Variants in ZBTB44 observed in about 807,000 individuals in gnomAD.
ZBTB44 encodes zinc finger and BTB domain-containing protein 44.
Under a neutral mutation model 54.0 loss-of-function variants are expected in ZBTB44, and 15 were observed. The observed-to-expected ratio is 0.28, with a 90% CI of 0.19 to 0.43. The LOEUF (loss-of-function observed/expected upper bound fraction) is 0.43, where lower values mean the gene tolerates loss of function less well. Among genes scored for constraint, ZBTB44 ranks in the 20% least tolerant of loss-of-function variants. The probability of loss-of-function intolerance (pLI) is 1.00; values close to 1 mark genes in which losing one functional copy is unlikely to be tolerated. For missense variants in ZBTB44, 487 were observed against 707.1 expected, an observed-to-expected ratio of 0.69 and a Z score of 3.53; for synonymous variants, 230 against 250.1, an observed-to-expected ratio of 0.92 and a Z score of 0.76.
chr11:130,294,538 CAAAAAAAAAAAAAAAAAAAAAA>C, intron 1 of ZBTB44, among the ~76,000 whole-genome samples: 1 of 48,654 alleles, frequency 2.1e-5, no homozygotes, highest in Admixed American at 2.8e-4. Flanking sequence ...TCTATATGAC[CAAAAAAAAAAAAAAAAAAAAAA>C]AAAAAAAAAT....
At chr11:130,235,539 C>A (rs974208969) in intron 5 of ZBTB44, among the ~76,000 whole-genome samples, 1 of 152,106 alleles carries the variant, frequency 6.6e-6, no homozygotes, top group African/African-American at 2.4e-5. Flanking sequence ...GTGGTGCCCA[C>A]ACTTGTAGCC....
rs373006294 is a variant in ZBTB44, at chr11:130,238,419, G to C, written c.1267+25C>G. 4.1e-4 allele frequency: 656 copies of C among 1,589,300 alleles called. No individual in the cohort carries two copies. Among genetic ancestry groups the C allele is most frequent in the Non-Finnish European group, 5.1e-4 (591 of 1,167,972 alleles). On this transcript the variant is annotated intron_variant, in intron 4 of 7. Coordinates refer to ENST00000357899, the MANE Select transcript of ZBTB44 (RefSeq NM_001301098.2). ...AAAATGTTTTAGAGCGTTCACTTACGCACCAACAGGGAAGGTGACATTACC... is the reference window on the plus strand; with the variant it reads ...AAAATGTTTTAGAGCGTTCACTTACCCACCAACAGGGAAGGTGACATTACC...
At chr11:130,280,322 G>T (rs1592019736) in intron 1 of ZBTB44, among the ~76,000 whole-genome samples, 1 of 152,274 alleles carries the variant, frequency 6.6e-6, no homozygotes, top group Non-Finnish European at 1.5e-5. Flanking sequence ...TCTTAGGTAC[G>T]TTAAAGGGGA....
chr11:130,281,723 T>C (rs1004353071), intron 1 of ZBTB44, among the ~76,000 whole-genome samples: 2 of 151,788 alleles, frequency 1.3e-5, no homozygotes, highest in Admixed American at 6.6e-5. Context: ...GCCACCCAAG[T>C]AGCTGGGACT....
At chr11:130,298,801 G>A (rs1258139431) in intron 1 of ZBTB44, among the ~76,000 whole-genome samples, 1 of 148,334 alleles carries the variant, frequency 6.7e-6, no homozygotes, top group Non-Finnish European at 1.5e-5. Flanking sequence ...TGCAATTATA[G>A]AACTGAACCA....
chr11:130,236,109 C>A, intron 5 of ZBTB44: 1 of 1,280,936 alleles, frequency 7.8e-7, no homozygotes, highest in Non-Finnish European at 1.0e-6. Flanking sequence ...TTAAAGCTTA[C>A]ATTTTATCTT....
intron 1 of ZBTB44, among the ~76,000 whole-genome samples, chr11:130,270,636 T>C (rs952524544): frequency 4.1e-5 from 6 of 144,672 alleles, no homozygotes; most frequent in South Asian, 2.1e-4. Context: ...GTGGCAGCAG[T>C]GAGGATAAAG....
At chr11:130,284,374 G>C (rs1285927626) in intron 1 of ZBTB44, among the ~76,000 whole-genome samples, 1 of 152,174 alleles carries the variant, frequency 6.6e-6, no homozygotes, top group Non-Finnish European at 1.5e-5. Flanking sequence ...CTTTGGTAAT[G>C]TATAATTACC....
At chr11:130,270,792 G>A (rs1423091974) in intron 1 of ZBTB44, among the ~76,000 whole-genome samples, 1 of 152,192 alleles carries the variant, frequency 6.6e-6, no homozygotes, top group Non-Finnish European at 1.5e-5. Flanking sequence ...AGCTGGTTTC[G>A]ATAGGGGTTG....
intron 1 of ZBTB44, among the ~76,000 whole-genome samples, chr11:130,294,538 C>CAAAAAAA (rs11322495): frequency 6.2e-5 from 3 of 48,654 alleles, no homozygotes; most frequent in Non-Finnish European, 7.8e-5. Flanking sequence ...TCTATATGAC[C>CAAAAAAA]AAAAAAAAAA....
chr11:130,308,448 C>T (rs1330177363), intron 1 of ZBTB44, among the ~76,000 whole-genome samples: 1 of 152,166 alleles, frequency 6.6e-6, no homozygotes, highest in Admixed American at 6.5e-5. Flanking sequence ...GGGTCGGCCA[C>T]TTATTGTGAT....
chr11:130,238,460 G>A lies in ZBTB44; in HGVS notation c.1251C>T (p.His417=). ...TGACATTACCTGAGTGGATGAGCAT[G>A]TGCTGCTTTAGGTTCTGAATACGGG... ...RFTRIQNLKQ[H]MLIHSGIKPF... is the part of the protein sequence containing the mutation. Residue 417 remains histidine, a synonymous_variant, in exon 4 of 8, where the codon CAC becomes CAT. Coordinates refer to ENST00000357899, the MANE Select transcript of ZBTB44 (RefSeq NM_001301098.2). 1 of 1,608,186 alleles carries A rather than the reference G, an allele frequency of 6.2e-7. No homozygotes were observed. Among genetic ancestry groups the A allele is most frequent in the Non-Finnish European group, 8.5e-7 (1 of 1,177,258 alleles).
intron 1 of ZBTB44, among the ~76,000 whole-genome samples, chr11:130,294,318 A>G (rs1197771113): frequency 6.6e-6 from 1 of 151,974 alleles, no homozygotes; most frequent in Non-Finnish European, 1.5e-5. Context: ...CGCCTGAGGC[A>G]CAAGAATTGC....
intron 5 of ZBTB44, chr11:130,236,061 A>T: frequency 8.7e-7 from 1 of 1,150,818 alleles, no homozygotes; most frequent in South Asian, 1.8e-5. Flanking sequence ...ATTTAAAACA[A>T]CAGTTTTATA....
At chr11:130,245,101 C>T (rs527806062) in intron 2 of ZBTB44, among the ~76,000 whole-genome samples, 6 of 152,290 alleles carry the variant, frequency 3.9e-5, no homozygotes, top group African/African-American at 9.6e-5. Flanking sequence ...TTTGAAAATA[C>T]GCAGGACTAT....
intron 1 of ZBTB44, among the ~76,000 whole-genome samples, chr11:130,288,544 C>T (rs576782994): frequency 7.9e-5 from 12 of 152,166 alleles, no homozygotes; most frequent in African/African-American, 2.9e-4. Flanking sequence ...AAAAGGTTCT[C>T]GGGATCCCCA....
At position 130,239,751 on chromosome 11, in the gene ZBTB44, T is replaced by C. The variant is rs779125624; in HGVS notation, c.1103+61A>G. 12 of 1,367,014 alleles carry C rather than the reference T, an allele frequency of 8.8e-6. No individual in the cohort carries two copies. In the African/African-American group the frequency reaches 1.3e-4, roughly 15 times the overall value. 84.7% of individuals were successfully genotyped at this position (1,367,014 alleles called of 1,614,324 possible). A position where few individuals can be genotyped will look rare whatever the true frequency, so the allele number is the denominator to read the frequency against. On this transcript the variant is annotated intron_variant, in intron 3 of 7. Coordinates refer to ENST00000357899, the MANE Select transcript of ZBTB44 (RefSeq NM_001301098.2). ...TTCTACAACTCTTGAGATGAAATGC[T>C]TGAATTTGGAGTTGTAAACACAACC...
At position 130,230,475 on chromosome 11, in the gene ZBTB44, A is replaced by G. The variant is rs907365446; in HGVS notation, c.*1289T>C. 57 of 123,988 alleles carry G rather than the reference A, an allele frequency of 4.6e-4. No individual in the cohort carries two copies. The highest frequency in any genetic ancestry group is 1.7e-3 in the African/African-American group (57 of 32,668). 7.7% of individuals were successfully genotyped at this position (123,988 alleles called of 1,614,324 possible). On this transcript the variant is annotated 3_prime_UTR_variant, in exon 8 of 8. Coordinates refer to ENST00000357899, the MANE Select transcript of ZBTB44 (RefSeq NM_001301098.2). ...CAAAGGGCATGTGTCGTAACAGGGGATCTAATTACTGTAAGCCAGAATGAT... is the reference window on the plus strand; with the variant it reads ...CAAAGGGCATGTGTCGTAACAGGGGGTCTAATTACTGTAAGCCAGAATGAT...
chr11:130,230,221 A>C lies in ZBTB44; in HGVS notation c.*1543T>G, dbSNP rs1372777421. ...ATAACTGGCCTCTATTTAGATTAAG[A>C]GAAAAAATTAGAAATAAAAGACTGA... On this transcript the variant is annotated 3_prime_UTR_variant, in exon 8 of 8. Transcript: ENST00000357899. The C allele has an allele frequency of 6.6e-6, 1 of 152,044 alleles. No homozygotes were observed. Among genetic ancestry groups the C allele is most frequent in the Non-Finnish European group, 1.5e-5 (1 of 67,916 alleles). 9.4% of individuals were successfully genotyped at this position (152,044 alleles called of 1,614,324 possible).
Sources: allele counts gnomAD v4.1 joint callset (sites outside exome capture counted in the v4.1 genomes callset), GRCh38; gene constraint gnomAD v4.1.1; transcripts MANE v1.5; gene names NCBI Gene and HGNC (gene_info 2026-07-23, HGNC 2026-07-21).